RAB11FIP4: variants seen among roughly 807,000 people sequenced by gnomAD.
RAB11FIP4 encodes rab11 family-interacting protein 4.
Under a neutral mutation model 74.3 loss-of-function variants are expected in RAB11FIP4, and 23 were observed. The observed-to-expected ratio is 0.31, with a 90% CI of 0.22 to 0.44. RAB11FIP4 has a LOEUF of 0.44. Among genes scored for constraint, RAB11FIP4 ranks in the 20% least tolerant of loss-of-function variants. The pLI, the probability that RAB11FIP4 is intolerant of heterozygous loss-of-function variation, is 1.00. For synonymous variants in RAB11FIP4, 360 were observed against 359.9 expected (o/e 1.00, Z 0.00); for missense variants, 630 against 863.9 (o/e 0.73, Z 3.39).
At chr17:31,475,383 GAA>G (rs2071781206) in intron 3 of RAB11FIP4, among the ~76,000 whole-genome samples, 1 of 152,178 alleles carries the variant, frequency 6.6e-6, no homozygotes, top group Non-Finnish European at 1.5e-5. Flanking sequence ...AAAGCACAAA[GAA>G]AGACATTCTA....
intron 4 of RAB11FIP4, among the ~76,000 whole-genome samples, chr17:31,519,007 C>CT (rs1190316585): frequency 0.031 from 2,297 of 73,962 alleles, 57 homozygotes; most frequent in African/African-American, 0.039. Flanking sequence ...TAAGTTTTGT[C>CT]TTTTTTTTTT....
chr17:31,394,134 A>T (rs550865357), intron 1 of RAB11FIP4, among the ~76,000 whole-genome samples: 1 of 152,314 alleles, frequency 6.6e-6, no homozygotes, highest in East Asian at 1.9e-4. Flanking sequence ...GAAGCGGTGG[A>T]TATGCATTGC....
intron 3 of RAB11FIP4, among the ~76,000 whole-genome samples, chr17:31,472,087 G>A (rs989571604): frequency 4.6e-5 from 7 of 152,050 alleles, no homozygotes; most frequent in African/African-American, 1.2e-4. Flanking sequence ...GCTTGAACCC[G>A]GGAGGCGGAG....
chr17:31,461,117 C>T (rs1401836703), intron 3 of RAB11FIP4, among the ~76,000 whole-genome samples: 2 of 151,400 alleles, frequency 1.3e-5, no homozygotes, highest in African/African-American at 2.4e-5. Flanking sequence ...TGCCAACAAC[C>T]CCCCTGACTC....
intron 1 of RAB11FIP4, among the ~76,000 whole-genome samples, chr17:31,428,590 T>C: frequency 6.6e-6 from 1 of 152,132 alleles, no homozygotes; most frequent in Non-Finnish European, 1.5e-5. Context: ...TGTACACATG[T>C]GTATGCACTA....
At chr17:31,470,938 G>A (rs902040084) in intron 3 of RAB11FIP4, among the ~76,000 whole-genome samples, 1 of 152,164 alleles carries the variant, frequency 6.6e-6, no homozygotes, top group African/African-American at 2.4e-5. Context: ...TTCTGTAGAA[G>A]TTTTATTTTA....
In RAB11FIP4 at chr17:31,400,997, G is replaced by A. The variant is rs905634644; in HGVS notation, c.159+8986G>A. On this transcript the variant is annotated intron_variant, in intron 1 of 14. Coordinates refer to ENST00000621161, the MANE Select transcript of RAB11FIP4 (RefSeq NM_032932.6). ...TTAAAAGTGAGGCTTGGCCGGGAGCGGTGGCTCATGCCTGTAATCCCAGCA... is the reference window on the plus strand; with the variant it reads ...TTAAAAGTGAGGCTTGGCCGGGAGCAGTGGCTCATGCCTGTAATCCCAGCA... 4.0e-4 allele frequency among the ~76,000 whole-genome samples: 61 copies of A among 152,278 alleles called. 1 individual carries two copies. The highest frequency in any genetic ancestry group is 1.1e-3 in the Admixed American group (17 of 15,300).
intron 10 of RAB11FIP4, 75 bp downstream of exon 10, chr17:31,525,305 C>T: frequency 1.4e-6 from 2 of 1,411,484 alleles, no homozygotes; most frequent in South Asian, 1.4e-5. Context: ...TAGGCGCTAT[C>T]CCCATTTTAT....
chr17:31,412,331 T>C (rs178844), intron 1 of RAB11FIP4, among the ~76,000 whole-genome samples: 55,302 of 152,016 alleles, frequency 0.36, 11,951 homozygotes, highest in Non-Finnish European at 0.49. Flanking sequence ...GAGGAAAGGG[T>C]ATTCTGATCC....
At chr17:31,398,192 C>T (rs1288537771) in intron 1 of RAB11FIP4, among the ~76,000 whole-genome samples, 1 of 152,162 alleles carries the variant, frequency 6.6e-6, no homozygotes, top group African/African-American at 2.4e-5. Flanking sequence ...CCATGTGCCA[C>T]CACGCCCAGC....
intron 3 of RAB11FIP4, among the ~76,000 whole-genome samples, chr17:31,449,969 T>C (rs1244019877): frequency 3.3e-5 from 5 of 152,196 alleles, no homozygotes; most frequent in Admixed American, 2.6e-4. Context: ...AATTAGCATA[T>C]CCACCATCTC....
At chr17:31,402,791 T>TA (rs1486903874) in intron 1 of RAB11FIP4, among the ~76,000 whole-genome samples, 6 of 151,360 alleles carry the variant, frequency 4.0e-5, no homozygotes, top group Non-Finnish European at 4.4e-5. Flanking sequence ...CTGGCTAATT[T>TA]TTTTTTTGTA....
intron 1 of RAB11FIP4, among the ~76,000 whole-genome samples, chr17:31,403,292 A>G (rs1026015445): frequency 1.3e-5 from 2 of 151,598 alleles, no homozygotes; most frequent in African/African-American, 2.4e-5. Flanking sequence ...GACCCACCAA[A>G]ACTTGCTGGC....
At chr17:31,416,260 C>T (rs538777235) in intron 1 of RAB11FIP4, among the ~76,000 whole-genome samples, 2 of 152,334 alleles carry the variant, frequency 1.3e-5, no homozygotes, top group South Asian at 4.1e-4. Flanking sequence ...CAACCACATA[C>T]CCCCTCTACC....
chr17:31,537,102 T>G lies in RAB11FIP4; in HGVS notation c.*5370T>G. ...CGCTTTGCTGTGCTGCACAGGCTGT[T>G]TTCATCTGCATGGTTTGGGGTCTTT... On this transcript the variant is annotated 3_prime_UTR_variant, in exon 15 of 15. Transcript: ENST00000621161. The G allele has an allele frequency of 2.5e-6, 1 of 399,564 alleles. No individual in the cohort carries two copies. The highest frequency in any genetic ancestry group is 4.4e-6 in the Non-Finnish European group (1 of 226,312). 24.8% of individuals were successfully genotyped at this position (399,564 alleles called of 1,614,324 possible). A position where few individuals can be genotyped will look rare whatever the true frequency, so the allele number is the denominator to read the frequency against.
chr17:31,479,891 G>C (rs539651489), intron 3 of RAB11FIP4, among the ~76,000 whole-genome samples: 1 of 152,262 alleles, frequency 6.6e-6, no homozygotes, highest in African/African-American at 2.4e-5. Flanking sequence ...GGTGAAATGG[G>C]ATCCCTTCCA....
In RAB11FIP4 at chr17:31,517,771, T is replaced by C; in HGVS notation, c.457T>C (p.Leu153=). 6.4e-7 allele frequency: 1 copy of C among 1,566,420 alleles called. No individual in the cohort carries two copies. Among genetic ancestry groups the C allele is most frequent in the Non-Finnish European group, 8.7e-7 (1 of 1,155,194 alleles). ...TLAPPEGPQE[L]YTDSPMESTQ... ...GGCGCCACCTGAGGGCCCCCAGGAG[T>C]TGTACACAGACAGCCCCATGGAGAG... The change falls in exon 4 of 15, where the codon TTG becomes CTG. Residue 153 remains leucine (L), a synonymous_variant. Transcript: ENST00000621161.
chr17:31,422,628 T>C (rs2071210664), intron 1 of RAB11FIP4, among the ~76,000 whole-genome samples: 1 of 152,232 alleles, frequency 6.6e-6, no homozygotes, highest in South Asian at 2.1e-4. Context: ...TTGTTTGGAT[T>C]AGGCAATTTC....
At chr17:31,479,207 G>A (rs747484285) in intron 3 of RAB11FIP4, among the ~76,000 whole-genome samples, 1 of 152,214 alleles carries the variant, frequency 6.6e-6, no homozygotes, top group African/African-American at 2.4e-5. Context: ...GCAGGGAAAT[G>A]TTCTCTCCTT....
Sources: allele counts gnomAD v4.1 joint callset (sites outside exome capture counted in the v4.1 genomes callset), GRCh38; gene constraint gnomAD v4.1.1; transcripts MANE v1.5; gene names NCBI Gene and HGNC (gene_info 2026-07-23, HGNC 2026-07-21).